GUCY1A2: variants seen among roughly 807,000 people sequenced by gnomAD.
GUCY1A2 encodes the protein guanylate cyclase soluble subunit alpha-2.
Under a neutral mutation model 63.5 loss-of-function variants are expected in GUCY1A2, and 27 were observed. The observed-to-expected ratio is 0.43, with a 90% CI of 0.31 to 0.59. GUCY1A2 has a LOEUF of 0.59. GUCY1A2 is among the 20% of genes least tolerant of loss of function. GUCY1A2 has a pLI of 0.11. For missense variants in GUCY1A2, 768 were observed against 913.3 expected (o/e 0.84, Z 2.05); for synonymous variants, 364 against 343.5 (o/e 1.06, Z -0.66).
intron 4 of GUCY1A2, among the ~76,000 whole-genome samples, chr11:106,935,762 G>A (rs547717315): frequency 4.0e-5 from 6 of 151,290 alleles, no homozygotes; most frequent in African/African-American, 7.3e-5. Flanking sequence ...CAGGAGAATC[G>A]CTTGAACTAG....
In GUCY1A2 at chr11:106,980,627, G is replaced by C. The variant is rs545591750; in HGVS notation, c.366-1887C>G. On this transcript the variant is annotated intron_variant, in intron 2 of 7. Transcript: ENST00000526355. Reference sequence around the variant, plus strand: ...GATATGAGAGTAAAAATTTAAATTGGTCTAGAGTGAACTTCATAATTCTTG... The same window carrying C: ...GATATGAGAGTAAAAATTTAAATTGCTCTAGAGTGAACTTCATAATTCTTG... 2.0e-5 allele frequency among the ~76,000 whole-genome samples: 3 copies of C among 152,288 alleles called. No homozygotes were observed. The East Asian group carries it at 5.8e-4, about 29-fold the overall frequency.
chr11:106,827,850 A>G, intron 4 of GUCY1A2: 1 of 1,600,060 alleles, frequency 6.2e-7, no homozygotes, highest in Middle Eastern at 1.7e-4. Flanking sequence ...GCCGACCACC[A>G]TGAACTTCCC....
At chr11:106,793,817 G>A (rs922315621) in intron 5 of GUCY1A2, among the ~76,000 whole-genome samples, 1 of 152,070 alleles carries the variant, frequency 6.6e-6, no homozygotes, top group Non-Finnish European at 1.5e-5. Context: ...CCTCACACCT[G>A]TTAGAATGAT....
Position 106,846,369 on chromosome 11 carries a change from C to T in GUCY1A2, c.1207-35891G>A, listed in dbSNP as rs541341548. On this transcript the variant is annotated intron_variant, in intron 4 of 7. Coordinates refer to ENST00000526355, the MANE Select transcript of GUCY1A2 (RefSeq NM_000855.3). ...AATCTAGATTTGTTTTAACATCTTG[C>T]TAGTTTCCAACTTTTCTGGAAGCTT... Among the ~76,000 whole-genome samples the T allele has an allele frequency of 2.6e-5, 4 of 151,654 alleles. No homozygotes were observed. In the East Asian group the frequency reaches 7.8e-4, roughly 29 times the overall value.
chr11:106,822,612 C>T (rs528105927), intron 4 of GUCY1A2, among the ~76,000 whole-genome samples: 9 of 152,214 alleles, frequency 5.9e-5, no homozygotes, highest in Admixed American at 2.0e-4. Flanking sequence ...TGAGAACATA[C>T]GGTATTTGGT....
intron 4 of GUCY1A2, among the ~76,000 whole-genome samples, chr11:106,909,420 A>G (rs1158667020): frequency 9.8e-6 from 1 of 101,820 alleles, no homozygotes; most frequent in Non-Finnish European, 2.1e-5. Flanking sequence ...ACTTTTTCAT[A>G]TGTGTAGGTT....
chr11:106,704,842 T>C (rs1245528642), intron 7 of GUCY1A2, among the ~76,000 whole-genome samples: 1 of 151,000 alleles, frequency 6.6e-6, no homozygotes, highest in Non-Finnish European at 1.5e-5. Flanking sequence ...ATATGCATTA[T>C]TTTAAAATAT....
intron 3 of GUCY1A2, among the ~76,000 whole-genome samples, chr11:106,970,895 A>T (rs1455158701): frequency 6.6e-6 from 1 of 151,812 alleles, no homozygotes; most frequent in Non-Finnish European, 1.5e-5. Context: ...GGGTGGGGGG[A>T]AAGGAATGAG....
intron 4 of GUCY1A2, among the ~76,000 whole-genome samples, chr11:106,916,752 G>A (rs1184467218): frequency 6.9e-6 from 1 of 145,410 alleles, no homozygotes; most frequent in Admixed American, 6.9e-5. Flanking sequence ...GTTCAGTCCA[G>A]ATATATCTTG....
chr11:106,765,496 A>G (rs1313670101), intron 6 of GUCY1A2, among the ~76,000 whole-genome samples: 1 of 152,116 alleles, frequency 6.6e-6, no homozygotes, highest in Non-Finnish European at 1.5e-5. Flanking sequence ...CATTTCTAAT[A>G]CCTAACCAAT....
At chr11:106,945,810 C>T (rs1860820253) in intron 3 of GUCY1A2, among the ~76,000 whole-genome samples, 1 of 152,100 alleles carries the variant, frequency 6.6e-6, no homozygotes, top group African/African-American at 2.4e-5. Flanking sequence ...ACTAAAAATA[C>T]AAAATTATCT....
At chr11:106,915,481 A>G (rs945139157) in intron 4 of GUCY1A2, among the ~76,000 whole-genome samples, 1 of 152,150 alleles carries the variant, frequency 6.6e-6, no homozygotes, top group Non-Finnish European at 1.5e-5. Flanking sequence ...ACGACAACAC[A>G]TGTAAAAGTG....
intron 6 of GUCY1A2, among the ~76,000 whole-genome samples, chr11:106,741,272 G>C: frequency 6.6e-6 from 1 of 152,154 alleles, no homozygotes; most frequent in Non-Finnish European, 1.5e-5. Flanking sequence ...CTTCAAGTCT[G>C]GTATGTAGTT....
chr11:106,768,273 C>T (rs1315887440), intron 6 of GUCY1A2, among the ~76,000 whole-genome samples: 1 of 152,094 alleles, frequency 6.6e-6, no homozygotes, highest in Non-Finnish European at 1.5e-5. Context: ...CAGGTATGCC[C>T]CCCTACCACC....
At chr11:107,006,727 C>T (rs1036061909) in intron 1 of GUCY1A2, among the ~76,000 whole-genome samples, 1 of 152,208 alleles carries the variant, frequency 6.6e-6, no homozygotes, top group Admixed American at 6.5e-5. Context: ...ACACTGCCCA[C>T]ACCAGGATGT....
At chr11:107,017,089 T>C (rs1406174735) in intron 1 of GUCY1A2, among the ~76,000 whole-genome samples, 2 of 151,466 alleles carry the variant, frequency 1.3e-5, no homozygotes, top group Non-Finnish European at 2.9e-5. Flanking sequence ...CAGAGAAGAA[T>C]AAATGCCTAG....
chr11:106,784,914 C>T (rs1476573655), intron 5 of GUCY1A2, among the ~76,000 whole-genome samples: 1 of 152,184 alleles, frequency 6.6e-6, no homozygotes, highest in Non-Finnish European at 1.5e-5. Context: ...ATACCTCTAA[C>T]TTTCTATGGG....
intron 4 of GUCY1A2, among the ~76,000 whole-genome samples, chr11:106,864,220 T>G (rs10890615): frequency 0.46 from 42,724 of 93,070 alleles, 6,446 homozygotes; most frequent in Non-Finnish European, 0.54. Context: ...ATAATAATAA[T>G]AAGAAGAAGA....
chr11:106,711,666 T>C (rs535681442), intron 6 of GUCY1A2, among the ~76,000 whole-genome samples: 299 of 133,778 alleles, frequency 2.2e-3, no homozygotes, highest in African/African-American at 8.1e-3. Flanking sequence ...GATCCATTTG[T>C]ATCTGGTATC....
Sources: allele counts gnomAD v4.1 joint callset (sites outside exome capture counted in the v4.1 genomes callset), GRCh38; gene constraint gnomAD v4.1.1; transcripts MANE v1.5; gene names NCBI Gene and HGNC (gene_info 2026-07-23, HGNC 2026-07-21).